Variants in TMEM131L observed in about 807,000 individuals in gnomAD.
TMEM131L encodes transmembrane 131 like.
In TMEM131L, 54 loss-of-function variants were observed where a neutral mutation model predicts 192.2. The ratio of observed to expected loss-of-function variants is 0.28; its 90% CI spans 0.23 to 0.35. TMEM131L has a LOEUF of 0.35. Ranked by LOEUF, TMEM131L falls within the 10% of genes least tolerant of loss-of-function variation. The pLI is 1.00. For missense variants in TMEM131L, 1,888 were observed against 1,972.9 expected (o/e 0.96, Z 0.82); for synonymous variants, 701 against 704.9 (o/e 0.99, Z 0.09).
At chr4:153,498,140 G>A (rs571111940) in intron 3 of TMEM131L, among the ~76,000 whole-genome samples, 2 of 152,338 alleles carry the variant, frequency 1.3e-5, no homozygotes, top group South Asian at 2.1e-4. Flanking sequence ...AGAAGATGTA[G>A]GAGGATGGAA....
At position 153,571,019 on chromosome 4, in the gene TMEM131L, C is replaced by G. The variant is rs1459006416; in HGVS notation, c.661-9807C>G. On this transcript the variant is annotated intron_variant, in intron 7 of 34. Coordinates refer to ENST00000409959, the MANE Select transcript of TMEM131L (RefSeq NM_001131007.2). ...CTCTTTCTTTTTAAATTAGTACATT[C>G]CTTTAATTTTTTTTTAACTTTTTGG... 3.3e-5 allele frequency among the ~76,000 whole-genome samples: 5 copies of G among 151,958 alleles called. No homozygotes were observed. In the East Asian group the frequency reaches 9.6e-4, roughly 29 times the overall value.
chr4:153,505,867 T>TAA (rs1325978131), intron 3 of TMEM131L, among the ~76,000 whole-genome samples: 4 of 151,868 alleles, frequency 2.6e-5, no homozygotes, highest in Non-Finnish European at 4.4e-5. Context: ...TTGGAATGAG[T>TAA]AAGAGTGTGC....
intron 3 of TMEM131L, among the ~76,000 whole-genome samples, chr4:153,528,138 A>C (rs971392751): frequency 6.6e-6 from 1 of 152,186 alleles, no homozygotes; most frequent in South Asian, 2.1e-4. Context: ...TGAAAGCCTC[A>C]GTTTACTTCC....
intron 7 of TMEM131L, among the ~76,000 whole-genome samples, chr4:153,580,218 A>G (rs1730241251): frequency 6.6e-6 from 1 of 152,220 alleles, no homozygotes; most frequent in African/African-American, 2.4e-5. Context: ...TGTTGACATC[A>G]TCCCAGGGGC....
At chr4:153,479,322 C>T (rs1334902638) in intron 3 of TMEM131L, among the ~76,000 whole-genome samples, 4 of 152,226 alleles carry the variant, frequency 2.6e-5, no homozygotes, top group Non-Finnish European at 5.9e-5. Context: ...AAATGTTCTT[C>T]CCTCTTTCCT....
chr4:153,547,676 G>C (rs1292741894), intron 3 of TMEM131L, among the ~76,000 whole-genome samples: 1 of 152,246 alleles, frequency 6.6e-6, no homozygotes, highest in Non-Finnish European at 1.5e-5. Context: ...GAAGGTGATG[G>C]CCATAGGCCT....
intron 3 of TMEM131L, among the ~76,000 whole-genome samples, chr4:153,493,345 CA>C (rs35052272): frequency 1.1e-3 from 83 of 72,858 alleles, no homozygotes; most frequent in African/African-American, 2.2e-3. Flanking sequence ...GACTCTGTCT[CA>C]AAAAAAAAAA....
At chr4:153,499,636 A>G (rs896427791) in intron 3 of TMEM131L, among the ~76,000 whole-genome samples, 5 of 152,184 alleles carry the variant, frequency 3.3e-5, no homozygotes, top group African/African-American at 9.7e-5. Flanking sequence ...CATGTTGGCC[A>G]GGATGGTCTC....
intron 3 of TMEM131L, among the ~76,000 whole-genome samples, chr4:153,506,436 G>C (rs770761871): frequency 2.0e-5 from 3 of 152,176 alleles, no homozygotes; most frequent in Non-Finnish European, 4.4e-5. Flanking sequence ...ATCAAGAATA[G>C]AGAAACAGTT....
At chr4:153,513,122 G>C (rs150186136) in intron 3 of TMEM131L, among the ~76,000 whole-genome samples, 194 of 152,268 alleles carry the variant, frequency 1.3e-3, no homozygotes, top group Middle Eastern at 6.8e-3. Context: ...GGAGGTAGGG[G>C]GTCAGGGTAT....
chr4:153,492,206 G>A (rs1358346963), intron 3 of TMEM131L, among the ~76,000 whole-genome samples: 1 of 151,868 alleles, frequency 6.6e-6, no homozygotes, highest in Non-Finnish European at 1.5e-5. Flanking sequence ...AAAAGATGGA[G>A]GTCTCACTAT....
chr4:153,557,332 C>T (rs888408818), intron 6 of TMEM131L, among the ~76,000 whole-genome samples: 5 of 152,168 alleles, frequency 3.3e-5, no homozygotes, highest in Admixed American at 1.3e-4. Context: ...TAGAACAAAG[C>T]AAAGCAATCT....
chr4:153,522,764 G>A lies in TMEM131L; in HGVS notation c.240-27309G>A, dbSNP rs78751079. Among the ~76,000 whole-genome samples the A allele has an allele frequency of 1.0e-3, 153 of 152,238 alleles. 1 individual carries two copies. The highest frequency in any genetic ancestry group is 3.6e-3 in the African/African-American group (148 of 41,540). On this transcript the variant is annotated intron_variant, in intron 3 of 34. Transcript: ENST00000409959. ...AAGGTGGTCATTCCCATATCTCATC[G>A]TGTGCCACAGCCCATTTCATTTCTC... is the stretch of plus-strand genomic sequence containing the variant.
At chr4:153,511,577 G>A (rs1046873834) in intron 3 of TMEM131L, among the ~76,000 whole-genome samples, 1 of 152,028 alleles carries the variant, frequency 6.6e-6, no homozygotes, top group Non-Finnish European at 1.5e-5. Flanking sequence ...CCCATGACAC[G>A]AGTCTCCCTA....
intron 8 of TMEM131L, 90 bp from the exon 9 acceptor site, chr4:153,581,317 C>G (rs538990116): frequency 4.0e-5 from 41 of 1,022,608 alleles, no homozygotes; most frequent in Non-Finnish European, 9.9e-6. Flanking sequence ...CGTCCCATTA[C>G]GTTAAATGCT....
At chr4:153,509,341 G>A (rs932941184) in intron 3 of TMEM131L, among the ~76,000 whole-genome samples, 19 of 151,278 alleles carry the variant, frequency 1.3e-4, no homozygotes, top group African/African-American at 4.6e-4. Flanking sequence ...CTCTAACCTG[G>A]GTGACAAGAG....
In TMEM131L at chr4:153,550,050, C is replaced by A. The variant is rs1451280123; in HGVS notation, c.240-23C>A. 24 of 1,294,988 alleles carry A rather than the reference C, an allele frequency of 1.9e-5. No homozygotes were observed. In the Middle Eastern group the frequency reaches 5.6e-4, roughly 30 times the overall value. The allele number at this position is 1,294,988 out of a possible 1,614,324, so 80.2% of individuals were successfully genotyped here. A position where few individuals can be genotyped will look rare whatever the true frequency, so the allele number is the denominator to read the frequency against. On this transcript the variant is annotated intron_variant, in intron 3 of 34. Transcript: ENST00000409959. ...TTAAATGTTAAAACTACAACAAAAT[C>A]AACCTCTCTTTTCTTTTTTTAGCTT...
intron 3 of TMEM131L, among the ~76,000 whole-genome samples, chr4:153,512,460 A>AT (rs1013448481): frequency 7.9e-5 from 12 of 152,182 alleles, no homozygotes; most frequent in African/African-American, 2.9e-4. Context: ...CTGATTGGAT[A>AT]TTTTTAAGTC....
At chr4:153,563,462 T>C (rs1328710426) in intron 7 of TMEM131L, among the ~76,000 whole-genome samples, 3 of 112,164 alleles carry the variant, frequency 2.7e-5, no homozygotes, top group African/African-American at 1.5e-4. Context: ...TACCCTTTTT[T>C]TTTTTTTTTT....
Sources: gnomAD v4.1 joint callset for allele counts (sites outside exome capture counted in the v4.1 genomes callset) on GRCh38, gnomAD v4.1.1 for gene constraint, MANE v1.5 for transcripts, NCBI Gene and HGNC (gene_info 2026-07-23, HGNC 2026-07-21) for gene names.